PDE6B: variants seen among roughly 807,000 people sequenced by gnomAD.
PDE6B encodes the protein phosphodiesterase 6B, also known as rod cGMP-specific 3',5'-cyclic phosphodiesterase subunit beta.
Under a neutral mutation model 109.0 loss-of-function variants are expected in PDE6B, and 106 were observed. That is an observed-to-expected ratio of 0.97 (90% CI 0.83 to 1.14). The LOEUF (loss-of-function observed/expected upper bound fraction) is 1.14, where lower values mean the gene tolerates loss of function less well. Ranked by LOEUF, PDE6B falls within the 50% of genes most tolerant of loss-of-function variation. The probability of loss-of-function intolerance (pLI) is 0.00; values close to 1 mark genes in which losing one functional copy is unlikely to be tolerated. For missense variants in PDE6B, 1,193 were observed against 1,155.6 expected (o/e 1.03, Z -0.47); for synonymous variants, 490 against 471.3 (o/e 1.04, Z -0.51).
chr4:663,953 C>T lies in PDE6B; in HGVS notation c.2021+83C>T, dbSNP rs1737459998. ...GGCAGACACGGGGGCGCAGCGGCGG[C>T]ACAGCCCGGGGGACGCAGCCCCGGA... is the stretch of plus-strand genomic sequence containing the variant. On this transcript the variant is annotated intron_variant, in intron 16 of 21. Coordinates refer to ENST00000496514, the MANE Select transcript of PDE6B (RefSeq NM_000283.4). The surrounding 1 kb of genome is among the most constrained non-coding windows in gnomAD (Gnocchi z 4.0). 14 of 1,161,056 alleles carry T rather than the reference C, an allele frequency of 1.2e-5. No individual in the cohort carries two copies. The Admixed American group carries it at 2.7e-4, about 23-fold the overall frequency. The allele number at this position is 1,161,056 out of a possible 1,614,324, so 71.9% of individuals were successfully genotyped here.
chr4:663,625 GCAGGCGGATTAGGGGTCCCGCCCA>G lies in PDE6B; in HGVS notation c.1921-143_1921-120del. On this transcript the variant is annotated intron_variant, in intron 15 of 21. Transcript: ENST00000496514. The surrounding 1 kb of genome is among the most constrained non-coding windows in gnomAD (Gnocchi z 4.0). Reference sequence around the variant, plus strand: ...GGCACCCTGAGGAGGGCCCTGAGCAGCAGGCGGATTAGGGGTCCCGCCCACCGAGGGCCCGAGGGCGGGGGCGTG... The same window carrying G: ...GGCACCCTGAGGAGGGCCCTGAGCAGCCGAGGGCCCGAGGGCGGGGGCGTG... 1 of 697,814 alleles carries G rather than the reference GCAGGCGGATTAGGGGTCCCGCCCA, an allele frequency of 1.4e-6. No individual in the cohort carries two copies. The highest frequency in any genetic ancestry group is 1.8e-5 in the African/African-American group (1 of 56,954). The allele number at this position is 697,814 out of a possible 1,614,324, so 43.2% of individuals were successfully genotyped here.
intron 3 of PDE6B, among the ~76,000 whole-genome samples, chr4:641,974 T>C (rs377060817): frequency 2.0e-3 from 312 of 152,296 alleles, no homozygotes; most frequent in African/African-American, 7.2e-3. Flanking sequence ...TATTGGTGTT[T>C]TTACCTAGAC....
At chr4:664,287 G>A in intron 17 of PDE6B, 66 bp downstream of exon 17, 1 of 900,936 alleles carries the variant, frequency 1.1e-6, no homozygotes, top group Non-Finnish European at 1.9e-6. Context: ...CTCACCAGCT[G>A]GTTAACCCTG....
In PDE6B at chr4:665,004, G is replaced by C; in HGVS notation, c.2193+60G>C. ...TGCCTCTCAGCACATGGGACTGCCG[G>C]GCGGGCGGGAGCCTCGGATGGCAAC... On this transcript the variant is annotated intron_variant, in intron 18 of 21. Transcript: ENST00000496514. This position sits in a 1 kb window ranked among gnomAD's most constrained non-coding sequence, Gnocchi z 4.0. The C allele has an allele frequency of 7.3e-7, 1 of 1,369,866 alleles. No homozygotes were observed. The highest frequency in any genetic ancestry group is 1.0e-6 in the Non-Finnish European group (1 of 958,666). 84.9% of individuals were successfully genotyped at this position (1,369,866 alleles called of 1,614,324 possible). A position where few individuals can be genotyped will look rare whatever the true frequency, so the allele number is the denominator to read the frequency against.
At position 626,060 on chromosome 4, in the gene PDE6B, C is replaced by T. The variant is rs1417766876; in HGVS notation, c.434C>T (p.Thr145Ile). Reference sequence around the variant, plus strand: ...GGGGTCGTGGGCCACGTGGCTCAGACCAAAAAGATGGTGAACGTCGAGGAC... The same window carrying T: ...GGGGTCGTGGGCCACGTGGCTCAGATCAAAAAGATGGTGAACGTCGAGGAC... Reference protein sequence around the residue: ...DIGVVGHVAQTKKMVNVEDVA... With the variant: ...DIGVVGHVAQIKKMVNVEDVA... The change falls in exon 1 of 22, where the codon ACC becomes ATC. Residue 145 changes from threonine (T) to isoleucine (I), a missense_variant. Physicochemically the swap from Thr to Ile is moderately conservative, Grantham distance 89. Coordinates refer to ENST00000496514, the MANE Select transcript of PDE6B (RefSeq NM_000283.4). This position sits in a 1 kb window ranked among gnomAD's most constrained non-coding sequence, Gnocchi z 4.6. 1 of 1,596,242 alleles carries T rather than the reference C, an allele frequency of 6.3e-7. No individual in the cohort carries two copies. The highest frequency in any genetic ancestry group is 2.3e-5 in the East Asian group (1 of 44,086).
Position 666,964 on chromosome 4 carries a change from C to G in PDE6B, c.2352+350C>G, listed in dbSNP as rs188230157. On this transcript the variant is annotated intron_variant, in intron 20 of 21. Transcript: ENST00000496514. This position sits in a 1 kb window ranked among gnomAD's most constrained non-coding sequence, Gnocchi z 5.6. ...ACTGTTTTGGGGGCCTTGGCTGCAGCTCTGTGGGTTCATTTGTTCCATGTT... is the reference window on the plus strand; with the variant it reads ...ACTGTTTTGGGGGCCTTGGCTGCAGGTCTGTGGGTTCATTTGTTCCATGTT... Among the ~76,000 whole-genome samples, 264 of 152,352 alleles carry G rather than the reference C, an allele frequency of 1.7e-3. 1 individual carries two copies. The highest frequency in any genetic ancestry group is 6.2e-3 in the African/African-American group (256 of 41,588).
chr4:654,947 G>T, intron 6 of PDE6B, 59 bp downstream of exon 6: 1 of 994,822 alleles, frequency 1.0e-6, no homozygotes, highest in South Asian at 1.3e-5. Context: ...TCAGACCCCG[G>T]CTCAGCCCCC....
In PDE6B at chr4:665,452, T is replaced by C. The variant is rs1408554734; in HGVS notation, c.2268+123T>C. ...GGGTTCTGAGGTCGTGGGGTCCTTA[T>C]CTCACTTTGTGGGATCATGTGACAT... On this transcript the variant is annotated intron_variant, in intron 19 of 21. Coordinates refer to ENST00000496514, the MANE Select transcript of PDE6B (RefSeq NM_000283.4). The surrounding 1 kb of genome is among the most constrained non-coding windows in gnomAD (Gnocchi z 4.0). The C allele has an allele frequency of 2.7e-5, 20 of 728,272 alleles. No homozygotes were observed. The highest frequency in any genetic ancestry group is 4.3e-5 in the Non-Finnish European group (17 of 397,832). The allele number at this position is 728,272 out of a possible 1,614,324, so 45.1% of individuals were successfully genotyped here.
rs111902957 is a variant in PDE6B at position 670,209 on chromosome 4, A to G, written c.*102A>G. 1.9e-6 allele frequency: 3 copies of G among 1,589,690 alleles called. No homozygotes were observed. The African/African-American group carries it at 4.0e-5, about 21-fold the overall frequency. ...CTACAAGAGGTTAGGAAGCCCAAGA[A>G]AATGACTGAAGATCATTCTGGATAT... On this transcript the variant is annotated 3_prime_UTR_variant, in exon 22 of 22. Coordinates refer to ENST00000496514, the MANE Select transcript of PDE6B (RefSeq NM_000283.4).
At chr4:651,407 GGAGGGCCTGGGAT>G (rs1413899319) in intron 3 of PDE6B, among the ~76,000 whole-genome samples, 1 of 152,184 alleles carries the variant, frequency 6.6e-6, no homozygotes, top group Non-Finnish European at 1.5e-5. Context: ...CTTGGGAGGA[GGAGGGCCTGGGAT>G]GAGGGCCTGG....
intron 20 of PDE6B, among the ~76,000 whole-genome samples, chr4:667,642 G>A (rs1299566514): frequency 6.6e-6 from 1 of 152,172 alleles, no homozygotes; most frequent in East Asian, 1.9e-4. Flanking sequence ...CCCTAAGCAT[G>A]CATACCCTAA....
rs762137960 is a variant in PDE6B, at chr4:659,622, A to ATGTGCACATGTGTACACATGTG, written c.1467+619_1467+640dup. ...GTGTGTGCGTGTGTGCATTGTATGA[A>ATGTGCACATGTGTACACATGTG]TGTGCACATGTGTACACATGTGTGT... On this transcript the variant is annotated intron_variant, in intron 11 of 21. Coordinates refer to ENST00000496514, the MANE Select transcript of PDE6B (RefSeq NM_000283.4). Among the ~76,000 whole-genome samples, 134 of 145,900 alleles carry ATGTGCACATGTGTACACATGTG rather than the reference A, an allele frequency of 9.2e-4. 1 individual carries two copies. Among genetic ancestry groups the ATGTGCACATGTGTACACATGTG allele is most frequent in the South Asian group, 1.9e-3 (9 of 4,620 alleles).
intron 3 of PDE6B, among the ~76,000 whole-genome samples, chr4:646,482 C>T (rs1735205404): frequency 6.6e-6 from 1 of 151,968 alleles, no homozygotes; most frequent in Non-Finnish European, 1.5e-5. Context: ...CACTGAGCAT[C>T]CTAGACGCGC....
At chr4:643,810 T>C (rs1467441739) in intron 3 of PDE6B, among the ~76,000 whole-genome samples, 2 of 150,320 alleles carry the variant, frequency 1.3e-5, no homozygotes, top group African/African-American at 2.5e-5. Flanking sequence ...TCTTTCTTCT[T>C]GTTTATTATG....
chr4:635,145 A>G (rs1321151527), intron 2 of PDE6B, among the ~76,000 whole-genome samples: 12 of 56,992 alleles, frequency 2.1e-4, no homozygotes, highest in East Asian at 6.0e-4. Flanking sequence ...CTGCCTCCTT[A>G]CCTGCCTGCC....
intron 1 of PDE6B, among the ~76,000 whole-genome samples, chr4:629,850 C>T (rs377692515): frequency 6.6e-6 from 1 of 152,166 alleles, no homozygotes; most frequent in East Asian, 1.9e-4. Context: ...GGCCCCAGAG[C>T]GAGGCCCAGC....
intron 1 of PDE6B, among the ~76,000 whole-genome samples, chr4:629,018 C>A (rs2109120850): frequency 6.6e-6 from 1 of 152,346 alleles, no homozygotes; most frequent in South Asian, 2.1e-4. Flanking sequence ...AAACCTTGGG[C>A]TCAGGAACCA....
chr4:659,228 T>C (rs1224490451), intron 11 of PDE6B, among the ~76,000 whole-genome samples: 2 of 152,072 alleles, frequency 1.3e-5, no homozygotes, highest in Non-Finnish European at 2.9e-5. Flanking sequence ...TGTCCCTGAG[T>C]GTGTTTGCAT....
chr4:649,314 C>A (rs1364676136), intron 3 of PDE6B, among the ~76,000 whole-genome samples: 5 of 152,178 alleles, frequency 3.3e-5, no homozygotes, highest in African/African-American at 1.2e-4. Context: ...GAGGATTCAA[C>A]AACCAGCTCT....
Sources: allele counts gnomAD v4.1 joint callset (sites outside exome capture counted in the v4.1 genomes callset), GRCh38; gene constraint gnomAD v4.1.1; non-coding constraint Gnocchi (gnomAD v3.1); transcripts MANE v1.5; gene names NCBI Gene and HGNC (gene_info 2026-07-23, HGNC 2026-07-21).